Variants in TAF12 observed in about 807,000 individuals in gnomAD.
The protein encoded by TAF12 is transcription initiation factor TFIID subunit 12.
In TAF12, 3 loss-of-function variants were observed where a neutral mutation model predicts 20.8. The ratio of observed to expected loss-of-function variants is 0.14; its 90% CI spans 0.07 to 0.37. The LOEUF (loss-of-function observed/expected upper bound fraction) is 0.37. TAF12 is among the 10% of genes least tolerant of loss of function. TAF12 has a pLI of 1.00. For missense variants in TAF12, 131 were observed against 197.9 expected (o/e 0.66, Z 2.03); for synonymous variants, 69 against 70.2 (o/e 0.98, Z 0.09).
intron 1 of TAF12, among the ~76,000 whole-genome samples, chr1:28,626,332 C>G (rs1667391052): frequency 6.6e-6 from 1 of 151,726 alleles, no homozygotes; most frequent in Non-Finnish European, 1.5e-5. Context: ...GTAATCCCAG[C>G]ACTTTAGGAG....
chr1:28,605,284 C>T, intron 5 of TAF12, 88 bp downstream of exon 5: 2 of 1,392,166 alleles, frequency 1.4e-6, no homozygotes, highest in Non-Finnish European at 1.0e-6. Flanking sequence ...GAAGCGAGGC[C>T]CCCTAGAAGG....
intron 4 of TAF12, among the ~76,000 whole-genome samples, chr1:28,609,037 A>G (rs760154383): frequency 6.6e-6 from 1 of 152,184 alleles, no homozygotes; most frequent in African/African-American, 2.4e-5. Context: ...GTATACCTAT[A>G]TGCGTTATGT....
chr1:28,610,003 C>T (rs1448050045), intron 4 of TAF12, among the ~76,000 whole-genome samples: 2 of 150,818 alleles, frequency 1.3e-5, no homozygotes, highest in African/African-American at 4.9e-5. Flanking sequence ...TTTTTTGGGA[C>T]GGAGTCTCTG....
At chr1:28,610,247 C>T (rs955937903) in intron 4 of TAF12, among the ~76,000 whole-genome samples, 4 of 152,094 alleles carry the variant, frequency 2.6e-5, no homozygotes, top group African/African-American at 7.2e-5. Context: ...GGATTACAGG[C>T]GTGAGCCACT....
rs566349969 is a variant in TAF12 at position 28,609,696 on chromosome 1, A to C, written c.361+3551T>G. Among the ~76,000 whole-genome samples, 38 of 152,054 alleles carry C rather than the reference A, an allele frequency of 2.5e-4. No individual in the cohort carries two copies. The South Asian group carries it at 7.7e-3, about 31-fold the overall frequency. On this transcript the variant is annotated intron_variant, in intron 4 of 5. Transcript: ENST00000373824. ...GAGATGGGGTTTCACCGTGTTGGCC[A>C]GGCTGGTCTCGAACACCTGACCTCA...
intron 3 of TAF12, among the ~76,000 whole-genome samples, chr1:28,615,300 A>T (rs1361447211): frequency 6.6e-6 from 1 of 152,102 alleles, no homozygotes; most frequent in Admixed American, 6.6e-5. Flanking sequence ...CCAAATGGAC[A>T]CCATCTTAGA....
intron 1 of TAF12, among the ~76,000 whole-genome samples, chr1:28,634,435 A>C (rs925914788): frequency 2.6e-5 from 4 of 151,380 alleles, no homozygotes; most frequent in South Asian, 4.2e-4. Flanking sequence ...AAAAAAAAAA[A>C]ACCCCACAAA....
At chr1:28,610,979 A>AC (rs1666838959) in intron 4 of TAF12, among the ~76,000 whole-genome samples, 2 of 92,684 alleles carry the variant, frequency 2.2e-5, no homozygotes, top group African/African-American at 3.2e-5. Context: ...AAAAAAAAAA[A>AC]AAAACACAGG....
At chr1:28,627,553 C>T (rs1243706674) in intron 1 of TAF12, among the ~76,000 whole-genome samples, 2 of 148,256 alleles carry the variant, frequency 1.3e-5, no homozygotes, top group Non-Finnish European at 3.0e-5. Flanking sequence ...ATTAGCTGGG[C>T]GTGGTGGCGG....
chr1:28,628,564 T>C lies in TAF12; in HGVS notation c.-84-6399A>G, dbSNP rs188123117. ...ACGGGATACAAAAATGATCTAAAAT[T>C]ACATTGTGGTGATGGTTGCCAACCC... is the stretch of plus-strand genomic sequence containing the variant. On this transcript the variant is annotated intron_variant, in intron 1 of 5. Coordinates refer to ENST00000373824, the MANE Select transcript of TAF12 (RefSeq NM_005644.4). 4.9e-3 allele frequency among the ~76,000 whole-genome samples: 751 copies of C among 151,798 alleles called. 9 individuals are homozygous for C. Among genetic ancestry groups the C allele is most frequent in the African/African-American group, 0.018 (725 of 41,370 alleles).
intron 2 of TAF12, among the ~76,000 whole-genome samples, chr1:28,620,446 T>C (rs140535659): frequency 6.6e-6 from 1 of 150,964 alleles, no homozygotes; most frequent in African/African-American, 2.4e-5. Context: ...AAAATAATTT[T>C]TTTTTTTGCA....
At chr1:28,637,131 C>G (rs1054008237) in intron 1 of TAF12, among the ~76,000 whole-genome samples, 4 of 152,276 alleles carry the variant, frequency 2.6e-5, no homozygotes, top group Admixed American at 6.5e-5. Context: ...AAGTGGTCAG[C>G]AGGAGGCTGA....
chr1:28,623,587 C>A (rs1667292284), intron 1 of TAF12, among the ~76,000 whole-genome samples: 1 of 152,080 alleles, frequency 6.6e-6, no homozygotes, highest in Admixed American at 6.6e-5. Context: ...TTTAAAGTAT[C>A]AAATAATGTT....
chr1:28,642,652 T>C, intron 1 of TAF12: 1 of 985,514 alleles, frequency 1.0e-6, no homozygotes, highest in Non-Finnish European at 1.2e-6. Flanking sequence ...GCTCCACTTT[T>C]ACCTCTCCGG....
upstream of TAF12, chr1:28,646,303 C>T (rs1235433276): frequency 1.3e-5 from 2 of 152,040 alleles, no homozygotes; most frequent in Non-Finnish European, 2.9e-5. Context: ...AGAGAGATAA[C>T]ACTGGTGGAT....
intron 3 of TAF12, among the ~76,000 whole-genome samples, chr1:28,616,254 G>A (rs892855988): frequency 6.6e-6 from 1 of 151,564 alleles, no homozygotes; most frequent in Non-Finnish European, 1.5e-5. Context: ...AAATTAGTCA[G>A]GTATGGTGGT....
At chr1:28,612,650 A>C (rs563217008) in intron 4 of TAF12, among the ~76,000 whole-genome samples, 38 of 151,500 alleles carry the variant, frequency 2.5e-4, no homozygotes, top group African/African-American at 8.0e-4. Context: ...AGGGCTGCTT[A>C]TTCATTTCCA....
At chr1:28,648,087 T>C, upstream of TAF12, 1 of 848,824 alleles carries the variant, frequency 1.2e-6, no homozygotes, top group Non-Finnish European at 1.4e-6. Flanking sequence ...CTTGTGACCT[T>C]GTGCTTCCAC....
At chr1:28,603,609 G>A in intron 5 of TAF12, 35 bp from the exon 6 acceptor site, 1 of 1,612,286 alleles carries the variant, frequency 6.2e-7, no homozygotes, top group Non-Finnish European at 8.5e-7. Context: ...TTATACAGCA[G>A]CAGCTGGAGT....
Sources: gnomAD v4.1 joint callset for allele counts (sites outside exome capture counted in the v4.1 genomes callset) on GRCh38, gnomAD v4.1.1 for gene constraint, MANE v1.5 for transcripts, NCBI Gene and HGNC (gene_info 2026-07-23, HGNC 2026-07-21) for gene names.